Variants in ZNF248 observed in about 807,000 individuals in gnomAD.
The protein encoded by ZNF248 is KRAB protein domain.
In ZNF248, 20 loss-of-function variants were observed where a neutral mutation model predicts 44.3. The ratio of observed to expected loss-of-function variants is 0.45; its 90% CI spans 0.32 to 0.66. ZNF248 has a LOEUF of 0.66. Among genes scored for constraint, ZNF248 ranks in the 30% least tolerant of loss-of-function variants. The pLI is 0.04. For synonymous variants in ZNF248, 224 were observed against 229.0 expected, an observed-to-expected ratio of 0.98 and a Z score of 0.20; for missense variants, 654 against 677.0, an observed-to-expected ratio of 0.97 and a Z score of 0.38.
chr10:37,848,498 G>A (rs550535906), intron 3 of ZNF248, among the ~76,000 whole-genome samples: 5 of 151,506 alleles, frequency 3.3e-5, no homozygotes, highest in South Asian at 2.1e-4. Flanking sequence ...CAGGAGAATC[G>A]CTTGAACCCG....
At chr10:37,821,125 T>C in intron 6 of ZNF248, 2 of 527,572 alleles carry the variant, frequency 3.8e-6, no homozygotes, top group South Asian at 2.6e-5. Context: ...CATGGTAACT[T>C]TTTATATTTA....
intron 3 of ZNF248, among the ~76,000 whole-genome samples, chr10:37,839,330 T>G (rs1432524278): frequency 2.0e-5 from 3 of 152,138 alleles, no homozygotes; most frequent in Non-Finnish European, 4.4e-5. Context: ...CTACAATAAA[T>G]CATAGCCATA....
chr10:37,769,515 C>A, the ZNF248 span, among the ~76,000 whole-genome samples: 1 of 152,114 alleles, frequency 6.6e-6, no homozygotes, highest in East Asian at 1.9e-4. Context: ...GAACCAATGA[C>A]AAAAACCACA....
At chr10:37,853,932 A>G (rs2134948452) in intron 3 of ZNF248, among the ~76,000 whole-genome samples, 1 of 152,374 alleles carries the variant, frequency 6.6e-6, no homozygotes, top group South Asian at 2.1e-4. Context: ...CAATTATTTC[A>G]GTAAATACGA....
chr10:37,827,926 G>A (rs187201867), downstream of ZNF248, among the ~76,000 whole-genome samples: 10 of 152,242 alleles, frequency 6.6e-5, no homozygotes, highest in East Asian at 1.9e-4. Context: ...CCAAAAACAG[G>A]CTCTTAGGAG....
chr10:37,774,080 G>A (rs1437477591), downstream of ZNF248, among the ~76,000 whole-genome samples: 1 of 152,034 alleles, frequency 6.6e-6, no homozygotes, highest in African/African-American at 2.4e-5. Context: ...CTTAGGGCAT[G>A]TTATTTTTCT....
chr10:37,774,746 G>A (rs187480223), downstream of ZNF248, among the ~76,000 whole-genome samples: 523 of 152,208 alleles, frequency 3.4e-3, 2 homozygotes, highest in Admixed American at 5.2e-3. Context: ...CTTCAGGCCA[G>A]GAAGTCTTTG....
chr10:37,762,543 A>G, the ZNF248 span, among the ~76,000 whole-genome samples: 1 of 152,204 alleles, frequency 6.6e-6, no homozygotes, highest in African/African-American at 2.4e-5. Context: ...CTGTTTTTCA[A>G]TGAACCATGA....
rs1181771716 is a variant in ZNF248, at chr10:37,842,996, C to A, written c.16-4885G>T. On this transcript the variant is annotated intron_variant, in intron 3 of 5. Coordinates refer to ENST00000395867, the MANE Select transcript of ZNF248 (RefSeq NM_021045.3). ...CAGCCTGGCTAAATGTTAAAGAGTA[C>A]CCCAGCGCAGAGTCAATGTGCAAAG... 2.0e-5 allele frequency among the ~76,000 whole-genome samples: 3 copies of A among 152,206 alleles called. No homozygotes were observed. In the East Asian group the frequency reaches 5.8e-4, roughly 29 times the overall value.
At chr10:37,768,837 G>T in the ZNF248 span, among the ~76,000 whole-genome samples, 4 of 152,108 alleles carry the variant, frequency 2.6e-5, no homozygotes, top group Non-Finnish European at 5.9e-5. Context: ...CCAGGAGCTG[G>T]TTTTTTGAAA....
At chr10:37,786,090 C>T (rs778441647) in intron 6 of ZNF248, among the ~76,000 whole-genome samples, 97 of 152,154 alleles carry the variant, frequency 6.4e-4, no homozygotes, top group Non-Finnish European at 1.0e-3. Context: ...GGGCACTATA[C>T]CTGGGCCTGA....
At chr10:37,815,934 C>G (rs908963013) in intron 6 of ZNF248, among the ~76,000 whole-genome samples, 4 of 150,920 alleles carry the variant, frequency 2.7e-5, no homozygotes, top group African/African-American at 9.8e-5. Flanking sequence ...TTTCTAAATT[C>G]CTCTGTATAC....
At chr10:37,841,069 T>C (rs974452911) in intron 3 of ZNF248, among the ~76,000 whole-genome samples, 2 of 152,374 alleles carry the variant, frequency 1.3e-5, no homozygotes, top group South Asian at 2.1e-4. Flanking sequence ...TCAGCTTCTC[T>C]GTTTTCTAGC....
chr10:37,798,326 GTTTCT>G (rs1367326429), intron 6 of ZNF248, among the ~76,000 whole-genome samples: 2 of 152,070 alleles, frequency 1.3e-5, no homozygotes, highest in Admixed American at 1.3e-4. Flanking sequence ...TGGCTATGGG[GTTTCT>G]TTTGAGAGTG....
In ZNF248 at chr10:37,820,510, C is replaced by T. The variant is rs182907328; in HGVS notation, c.330+12515G>A. 5,991 of 1,600,102 alleles carry T rather than the reference C, an allele frequency of 3.7e-3. 20 individuals are homozygous for T. The highest frequency in any genetic ancestry group is 4.5e-3 in the Non-Finnish European group (5,255 of 1,169,554). ...GTAAGGGATTGGATAAGGAATGTTGCGGTGAGGATCGTGCAACTGGTGCAA... is the reference window on the plus strand; with the variant it reads ...GTAAGGGATTGGATAAGGAATGTTGTGGTGAGGATCGTGCAACTGGTGCAA... On this transcript the variant is annotated intron_variant, in intron 6 of 6. Transcript: ENST00000615949.
downstream of ZNF248, among the ~76,000 whole-genome samples, chr10:37,775,101 C>T (rs192040081): frequency 2.0e-5 from 3 of 152,238 alleles, no homozygotes; most frequent in Non-Finnish European, 2.9e-5. Flanking sequence ...CAAAACAAAG[C>T]ACTGTCCTTT....
intron 6 of ZNF248, among the ~76,000 whole-genome samples, chr10:37,782,806 C>T (rs889044033): frequency 1.3e-5 from 2 of 152,106 alleles, no homozygotes; most frequent in South Asian, 4.2e-4. Context: ...AGAGGATTCT[C>T]CCCAGCAGGC....
Position 37,832,993 on chromosome 10 carries a change from T to A in ZNF248, c.362A>T (p.Lys121Ile). The change falls in exon 6 of 6, where the codon AAA (lysine) becomes ATA (isoleucine). Residue 121 changes from lysine to isoleucine, a missense_variant. Coordinates refer to ENST00000395867, the MANE Select transcript of ZNF248 (RefSeq NM_021045.3). ...AGGGTCTGTGCCCAAATTGAAAGTT[T>A]TGCTTCCTCTATCTCCATTTTCTAC... The part of the protein sequence containing the change: ...VSVENGDRGS[K>I]TFNLGTDPVS... The A allele has an allele frequency of 6.2e-7, 1 of 1,613,812 alleles. No homozygotes were observed. Among genetic ancestry groups the A allele is most frequent in the Non-Finnish European group, 8.5e-7 (1 of 1,179,820 alleles).
At position 37,833,089 on chromosome 10, in the gene ZNF248, A is replaced by T; in HGVS notation, c.266T>A (p.Leu89Ter). 1 of 1,604,162 alleles carries T rather than the reference A, an allele frequency of 6.2e-7. No homozygotes were observed. The highest frequency in any genetic ancestry group is 8.5e-7 in the Non-Finnish European group (1 of 1,176,322). ...ATCTTCATTTTCCTGGCTGCTCTCT[A>T]ACACGTCATCAACTTTCCATTTCCT... ...PERKWKVDDV[L>*]ESSQENEDDH... is the part of the protein sequence containing the mutation. The change falls in exon 6 of 6, where the codon TTA becomes TAA. Residue 89 changes from leucine to a stop codon, truncating the protein, a stop_gained. Transcript: ENST00000395867. LOFTEE classifies it low-confidence loss of function (END_TRUNC).
Sources: gnomAD v4.1 joint callset for allele counts (sites outside exome capture counted in the v4.1 genomes callset) on GRCh38, gnomAD v4.1.1 for gene constraint, MANE v1.5 for transcripts, NCBI Gene and HGNC (gene_info 2026-07-23, HGNC 2026-07-21) for gene names.